Variants in NFIB observed in about 807,000 individuals in gnomAD.
The protein encoded by NFIB is nuclear factor I B.
A neutral mutation model predicts 61.5 loss-of-function variants in NFIB; 11 were observed. The ratio of observed to expected loss-of-function variants is 0.18; its 90% CI spans 0.11 to 0.30. NFIB has a LOEUF of 0.30. Among genes scored for constraint, NFIB ranks in the 10% least tolerant of loss-of-function variants. The pLI is 1.00. For missense variants in NFIB, 471 were observed against 608.9 expected (o/e 0.77, Z 2.38); for synonymous variants, 260 against 216.5 (o/e 1.20, Z -1.76).
chr9:14,174,640 G>A (rs566462666), intron 3 of NFIB, among the ~76,000 whole-genome samples: 5 of 151,780 alleles, frequency 3.3e-5, no homozygotes, highest in Non-Finnish European at 7.4e-5. Context: ...GGTAGCAGGC[G>A]CCTGTAATCC....
chr9:14,202,963 G>A (rs547619187), intron 2 of NFIB, among the ~76,000 whole-genome samples: 9 of 152,262 alleles, frequency 5.9e-5, no homozygotes, highest in South Asian at 2.1e-4. Flanking sequence ...TTATCATGGC[G>A]ATCACACAAT....
chr9:14,138,978 C>T (rs2131024090), intron 6 of NFIB, among the ~76,000 whole-genome samples: 1 of 152,162 alleles, frequency 6.6e-6, no homozygotes, highest in South Asian at 2.1e-4. Flanking sequence ...CCTGAAAACT[C>T]ACAAATACAC....
chr9:14,349,603 T>C (rs567997962), intron 1 of NFIB, among the ~76,000 whole-genome samples: 3 of 152,096 alleles, frequency 2.0e-5, no homozygotes, highest in Non-Finnish European at 4.4e-5. Flanking sequence ...AGCGGCACTT[T>C]ATTTCCTGGG....
At chr9:14,104,532 C>T (rs919110568) in intron 10 of NFIB, among the ~76,000 whole-genome samples, 3 of 151,876 alleles carry the variant, frequency 2.0e-5, no homozygotes, top group African/African-American at 4.8e-5. Context: ...TGATTTATCA[C>T]TTACTGATTC....
intron 2 of NFIB, among the ~76,000 whole-genome samples, chr9:14,296,594 G>A (rs2059457516): frequency 1.3e-5 from 2 of 152,214 alleles, no homozygotes; most frequent in African/African-American, 4.8e-5. Context: ...AGATCCCAGA[G>A]AGCTCTCACT....
intron 2 of NFIB, among the ~76,000 whole-genome samples, chr9:14,244,816 C>T (rs533541294): frequency 2.6e-4 from 39 of 152,232 alleles, no homozygotes; most frequent in African/African-American, 8.9e-4. Flanking sequence ...TATTGTTGTT[C>T]TTGCTACTGT....
At position 14,136,913 on chromosome 9, in the gene NFIB, TTC is replaced by T. The variant is rs1191407198; in HGVS notation, c.925+9774_925+9775del. Among the ~76,000 whole-genome samples, 3 of 152,160 alleles carry T rather than the reference TTC, an allele frequency of 2.0e-5. No individual in the cohort carries two copies. The East Asian group carries it at 5.8e-4, about 29-fold the overall frequency. On this transcript the variant is annotated intron_variant, in intron 6 of 10. Coordinates refer to ENST00000380953, the MANE Select transcript of NFIB (RefSeq NM_001190737.2). ...ATTGGTATAAATTGTAGTGTTTAAG[TTC>T]AACCTAAATCTATATTTTTTTTCTC...
intron 2 of NFIB, among the ~76,000 whole-genome samples, chr9:14,263,737 T>C (rs1428573776): frequency 1.3e-5 from 2 of 152,210 alleles, no homozygotes; most frequent in Non-Finnish European, 2.9e-5. Context: ...AATTGGAGTT[T>C]AGGGATAGCA....
intron 2 of NFIB, among the ~76,000 whole-genome samples, chr9:14,209,249 G>C (rs955470574): frequency 2.0e-5 from 3 of 152,078 alleles, no homozygotes; most frequent in African/African-American, 7.3e-5. Context: ...CCAATACTAA[G>C]CTGGTATTTC....
chr9:14,166,006 G>C (rs1003501756), intron 3 of NFIB, among the ~76,000 whole-genome samples: 1 of 152,076 alleles, frequency 6.6e-6, no homozygotes, highest in Non-Finnish European at 1.5e-5. Flanking sequence ...TTAATGTTAC[G>C]CGTATTTCAC....
At chr9:14,347,589 G>GGGAGAAGGGAGAAC (rs1715615076) in intron 1 of NFIB, among the ~76,000 whole-genome samples, 2 of 68,410 alleles carry the variant, frequency 2.9e-5, no homozygotes, top group Non-Finnish European at 6.6e-5. Context: ...ATTGGGAGAG[G>GGGAGAAGGGAGAAC]GGAGAAGGGA....
At chr9:14,462,425 G>A in the NFIB span, among the ~76,000 whole-genome samples, 1 of 151,980 alleles carries the variant, frequency 6.6e-6, no homozygotes, top group African/African-American at 2.4e-5. Context: ...AGGGACTACA[G>A]GCACCCGCCA....
the NFIB span, among the ~76,000 whole-genome samples, chr9:14,497,881 G>A: frequency 1.3e-5 from 2 of 152,142 alleles, no homozygotes; most frequent in African/African-American, 4.8e-5. Context: ...AACTGCTAAC[G>A]GGAAGCCTCA....
At chr9:14,318,342 C>T (rs1322592593), upstream of NFIB, among the ~76,000 whole-genome samples, 1 of 152,170 alleles carries the variant, frequency 6.6e-6, no homozygotes, top group Non-Finnish European at 1.5e-5. Context: ...CCTTTCACTA[C>T]GGATCTCCAG....
At chr9:14,219,404 A>AT (rs56366334) in intron 2 of NFIB, among the ~76,000 whole-genome samples, 4 of 149,876 alleles carry the variant, frequency 2.7e-5, no homozygotes, top group Non-Finnish European at 5.9e-5. Flanking sequence ...AAAAAAAAAA[A>AT]GTCTAAGTTG....
At chr9:14,319,275 A>G (rs562860842) in intron 1 of NFIB, among the ~76,000 whole-genome samples, 1 of 152,188 alleles carries the variant, frequency 6.6e-6, no homozygotes, top group Middle Eastern at 3.4e-3. Flanking sequence ...CTCAACACCA[A>G]CTGAGCCAGA....
At chr9:14,484,996 CAGAGAGAGAG>C in the NFIB span, among the ~76,000 whole-genome samples, 2 of 151,814 alleles carry the variant, frequency 1.3e-5, no homozygotes, top group East Asian at 3.9e-4. Context: ...TGTCACATGA[CAGAGAGAGAG>C]AGAAAGAGAG....
At chr9:14,320,859 G>A (rs1003332164) in intron 1 of NFIB, among the ~76,000 whole-genome samples, 1 of 152,130 alleles carries the variant, frequency 6.6e-6, no homozygotes, top group African/African-American at 2.4e-5. Context: ...CAAGGATGGT[G>A]CTATAAGATC....
intron 2 of NFIB, among the ~76,000 whole-genome samples, chr9:14,208,846 C>T (rs886868731): frequency 2.6e-5 from 4 of 152,126 alleles, no homozygotes; most frequent in African/African-American, 9.7e-5. Flanking sequence ...TCTAGACCCA[C>T]TGATTCACTC....
Sources: gnomAD v4.1 joint callset for allele counts (sites outside exome capture counted in the v4.1 genomes callset) on GRCh38, gnomAD v4.1.1 for gene constraint, MANE v1.5 for transcripts, NCBI Gene and HGNC (gene_info 2026-07-23, HGNC 2026-07-21) for gene names.